EDEM1: variants seen among roughly 807,000 people sequenced by gnomAD.
The protein encoded by EDEM1 is ER degradation-enhancing alpha-mannosidase-like protein 1.
EDEM1 carries 67 observed loss-of-function variants against 74.4 expected under a neutral mutation model. The observed-to-expected ratio is 0.90, with a 90% CI of 0.74 to 1.10. The LOEUF (loss-of-function observed/expected upper bound fraction) is 1.10. Among genes scored for constraint, EDEM1 ranks in the 50% least tolerant of loss-of-function variants. The pLI, the probability that EDEM1 is intolerant of heterozygous loss-of-function variation, is 0.00. For missense variants in EDEM1, 926 were observed against 851.6 expected (o/e 1.09, Z -1.09); for synonymous variants, 382 against 335.9 (o/e 1.14, Z -1.50).
Position 5,207,273 on chromosome 3 carries a change from G to A in EDEM1, c.1338G>A (p.Gln446=), listed in dbSNP as rs1559298694. Residue 446 remains glutamine, a splice_region_variant and synonymous_variant, in exon 7 of 12, where the codon CAG becomes CAA. Coordinates refer to ENST00000256497, the MANE Select transcript of EDEM1 (RefSeq NM_014674.3). ...DSLQAFFPGL[Q]VLIGDVEDAI... Reference sequence around the variant, plus strand: ...TGCAGGCCTTTTTCCCTGGACTGCAGGTATTTTGCCATCAGATTTCCTAAG... The same window carrying A: ...TGCAGGCCTTTTTCCCTGGACTGCAAGTATTTTGCCATCAGATTTCCTAAG... 8 of 1,613,622 alleles carry A rather than the reference G, an allele frequency of 5.0e-6. No individual in the cohort carries two copies. The highest frequency in any genetic ancestry group is 6.8e-6 in the Non-Finnish European group (8 of 1,179,870).
At chr3:5,189,754 C>T (rs2054877511) in intron 1 of EDEM1, among the ~76,000 whole-genome samples, 1 of 152,200 alleles carries the variant, frequency 6.6e-6, no homozygotes, top group African/African-American at 2.4e-5. Context: ...ACTCGTGCCA[C>T]CACGCCCGGC....
intron 4 of EDEM1, among the ~76,000 whole-genome samples, chr3:5,202,198 A>G (rs1486235374): frequency 6.6e-6 from 1 of 152,216 alleles, no homozygotes; most frequent in Non-Finnish European, 1.5e-5. Context: ...AGTATTCTTA[A>G]GTCCATTTAC....
intron 7 of EDEM1, 58 bp downstream of exon 7, chr3:5,207,331 C>A: frequency 6.3e-7 from 1 of 1,597,462 alleles, no homozygotes; most frequent in Non-Finnish European, 8.5e-7. Context: ...CTTCTCCCTC[C>A]TTTTCTTTCT....
chr3:5,196,775 T>C (rs1169976784), intron 2 of EDEM1, among the ~76,000 whole-genome samples: 1 of 152,150 alleles, frequency 6.6e-6, no homozygotes, highest in Non-Finnish European at 1.5e-5. Context: ...ACAAGTATGT[T>C]CGACCTTAGA....
Position 5,205,269 on chromosome 3 carries a change from G to C in EDEM1, c.1217+28G>C, listed in dbSNP as rs200284813. ...ATGTCTCCCTAACATCTCCTCTGTT[G>C]CCTTGTAAAGCAAATAGAATGCATT... On this transcript the variant is annotated intron_variant, in intron 6 of 11. Coordinates refer to ENST00000256497, the MANE Select transcript of EDEM1 (RefSeq NM_014674.3). 3.6e-4 allele frequency: 572 copies of C among 1,591,550 alleles called. 1 individual carries two copies. The highest frequency in any genetic ancestry group is 4.5e-4 in the Non-Finnish European group (525 of 1,168,730).
chr3:5,200,382 A>C (rs2055020569), intron 3 of EDEM1, among the ~76,000 whole-genome samples: 1 of 152,128 alleles, frequency 6.6e-6, no homozygotes, highest in Admixed American at 6.5e-5. Flanking sequence ...TTCCCATCTT[A>C]CCACCCACAG....
In EDEM1 at chr3:5,209,039, C is replaced by T. The variant is rs140662084; in HGVS notation, c.1509+776C>T. Among the ~76,000 whole-genome samples the T allele has an allele frequency of 7.8e-4, 119 of 152,192 alleles. 2 individuals carry two copies. The East Asian group carries it at 0.022, about 28-fold the overall frequency. On this transcript the variant is annotated intron_variant, in intron 8 of 11. Coordinates refer to ENST00000256497, the MANE Select transcript of EDEM1 (RefSeq NM_014674.3). ...AACAGATGCCCACCGTGGGCCAGCC[C>T]TAGCAAGCAGGGCCTGAGTTTTAGA...
intron 2 of EDEM1, among the ~76,000 whole-genome samples, chr3:5,197,924 A>G (rs146737754): frequency 0.015 from 2,260 of 152,332 alleles, 60 homozygotes; most frequent in African/African-American, 0.052. Context: ...TGAGACATCA[A>G]TCAGTATGTG....
intron 6 of EDEM1, among the ~76,000 whole-genome samples, chr3:5,206,515 T>C (rs1301342639): frequency 6.6e-6 from 1 of 152,144 alleles, no homozygotes; most frequent in African/African-American, 2.4e-5. Context: ...CCCCAGATCT[T>C]TCTTTGTATG....
chr3:5,207,309 C>T, intron 7 of EDEM1, 36 bp downstream of exon 7: 13 of 1,611,492 alleles, frequency 8.1e-6, no homozygotes, highest in Non-Finnish European at 1.1e-5. Context: ...AATAACCAAT[C>T]ACCAGAAAGG....
chr3:5,197,571 G>T (rs1476181126), intron 2 of EDEM1, among the ~76,000 whole-genome samples: 1 of 152,124 alleles, frequency 6.6e-6, no homozygotes. Context: ...TATTGTTGCT[G>T]GTAAACATCT....
rs753811182 is a variant in EDEM1, at chr3:5,187,994, T to TG, written c.196dup (p.Val66GlyfsTer112). On this transcript the variant is annotated frameshift_variant, in exon 1 of 12. Coordinates refer to ENST00000256497, the MANE Select transcript of EDEM1 (RefSeq NM_014674.3). LOFTEE classifies it high-confidence loss of function. ...CCACCTCGGGGCCCGTGGGCCGGCCTGGGGGGGTATCCGGGCCGTCGTGGC... is the reference window on the plus strand; with the variant it reads ...CCACCTCGGGGCCCGTGGGCCGGCCTGGGGGGGGTATCCGGGCCGTCGTGGC... 5.1e-5 allele frequency: 78 copies of TG among 1,517,478 alleles called. No homozygotes were observed. The highest frequency in any genetic ancestry group is 1.1e-4 in the East Asian group (4 of 37,508). The allele number at this position is 1,517,478 out of a possible 1,614,324, so 94.0% of individuals were successfully genotyped here. A position where few individuals can be genotyped will look rare whatever the true frequency, so the allele number is the denominator to read the frequency against.
intron 1 of EDEM1, among the ~76,000 whole-genome samples, chr3:5,188,844 G>T (rs1242291310): frequency 6.6e-6 from 1 of 152,144 alleles, no homozygotes; most frequent in South Asian, 2.1e-4. Context: ...GAGGCAGAAC[G>T]GGGTTACAGC....
chr3:5,213,307 C>T lies in EDEM1; in HGVS notation c.1681-12C>T, dbSNP rs201945107. 62 of 1,608,840 alleles carry T rather than the reference C, an allele frequency of 3.9e-5. No individual in the cohort carries two copies. The highest frequency in any genetic ancestry group is 1.7e-4 in the Middle Eastern group (1 of 5,952). ...CAATTATTGGTTGTATCTTTTTCTC[C>T]GTTCCCTCTAGCTGTTTGATGAAGA... On this transcript the variant is annotated splice_polypyrimidine_tract_variant and intron_variant, in intron 10 of 11. Transcript: ENST00000256497.
At chr3:5,203,379 T>G (rs766783395) in intron 5 of EDEM1, among the ~76,000 whole-genome samples, 31 of 152,232 alleles carry the variant, frequency 2.0e-4, no homozygotes, top group South Asian at 8.3e-4. Flanking sequence ...TCGGATCCCC[T>G]GGCATATTCC....
chr3:5,188,281 A>G lies in EDEM1; in HGVS notation c.476A>G (p.His159Arg). The G allele has an allele frequency of 6.5e-7, 1 of 1,544,882 alleles. No individual in the cohort carries two copies. The highest frequency in any genetic ancestry group is 2.6e-5 in the East Asian group (1 of 37,960). The change falls in exon 1 of 12, where the codon CAC becomes CGC. Residue 159 changes from histidine to arginine, a missense_variant. Coordinates refer to ENST00000256497, the MANE Select transcript of EDEM1 (RefSeq NM_014674.3). ...CCCCAGGACGAGCTCAACCCCATCC[A>G]CTGCCGCGGCCGTGGGCCCGACCGC... ...AFPQDELNPI[H>R]CRGRGPDRGD...
chr3:5,214,086 C>T (rs1390302597), intron 11 of EDEM1, among the ~76,000 whole-genome samples: 2 of 152,210 alleles, frequency 1.3e-5, no homozygotes, highest in Admixed American at 1.3e-4. Flanking sequence ...AGCAAACACC[C>T]ACATTCATTT....
intron 11 of EDEM1, among the ~76,000 whole-genome samples, chr3:5,215,405 T>C (rs946820616): frequency 1.3e-5 from 2 of 152,126 alleles, no homozygotes; most frequent in African/African-American, 4.8e-5. Context: ...AGCAGAAATG[T>C]TTTCTGAAAT....
rs1044206482 is a variant in EDEM1 at position 5,211,171 on chromosome 3, G to A, written c.1635G>A (p.Arg545=). The change falls in exon 10 of 12, where the codon CGG becomes CGA. Residue 545 remains arginine, a synonymous_variant. Coordinates refer to ENST00000256497, the MANE Select transcript of EDEM1 (RefSeq NM_014674.3). ...HHVIDKSTED[R]MESFFLSETC... ...TCATTGACAAGTCCACAGAAGACCG[G>A]ATGGAGAGCTTCTTTCTCAGTGAGA... 24 of 1,614,088 alleles carry A rather than the reference G, an allele frequency of 1.5e-5. No individual in the cohort carries two copies. The Admixed American group carries it at 2.8e-4, about 19-fold the overall frequency.
Sources: gnomAD v4.1 joint callset for allele counts (sites outside exome capture counted in the v4.1 genomes callset) on GRCh38, gnomAD v4.1.1 for gene constraint, MANE v1.5 for transcripts, NCBI Gene and HGNC (gene_info 2026-07-23, HGNC 2026-07-21) for gene names.